The following POLL variants were observed in gnomAD, a reference collection of about 807,000 sequenced individuals.
POLL encodes the protein DNA polymerase lambda.
POLL carries 44 observed loss-of-function variants against 58.1 expected under a neutral mutation model. The ratio of observed to expected loss-of-function variants is 0.76; its 90% CI spans 0.60 to 0.97. POLL has a LOEUF of 0.97. Among genes scored for constraint, POLL ranks in the 50% least tolerant of loss-of-function variants. The pLI, the probability that POLL is intolerant of heterozygous loss-of-function variation, is 0.00. For missense variants in POLL, 632 were observed against 736.8 expected, an observed-to-expected ratio of 0.86 and a Z score of 1.65; for synonymous variants, 290 against 283.2, an observed-to-expected ratio of 1.02 and a Z score of -0.24.
chr10:101,580,284 T>C lies in POLL; in HGVS notation c.1327A>G (p.Ile443Val), dbSNP rs1051343463. The C allele has an allele frequency of 5.0e-6, 8 of 1,613,916 alleles. No homozygotes were observed. The highest frequency in any genetic ancestry group is 6.8e-6 in the Non-Finnish European group (8 of 1,180,016). Residue 443 changes from isoleucine to valine, a missense_variant, in exon 8 of 9, where the codon ATC (isoleucine) becomes GTC (valine). Transcript: ENST00000370162. The surrounding 1 kb of genome is among the most constrained non-coding windows in gnomAD (Gnocchi z 4.1). ...THPDGRSHRG[I>V]FSRLLDSLRQ... ...AGACTGTCAAGGAGGCGGCTGAAGA[T>C]ACCCCGGTGGGACCGGCCATCTGGG... is the stretch of plus-strand genomic sequence containing the variant.
intron 7 of POLL, chr10:101,581,471 G>A (rs530251183): frequency 1.3e-5 from 2 of 152,176 alleles, no homozygotes; most frequent in African/African-American, 2.4e-5. Flanking sequence ...ATCTCATACC[G>A]GCCTCATAGC....
chr10:101,587,683 A>G (rs572477278), intron 1 of POLL, 139 bp downstream of exon 1: 7 of 1,014,572 alleles, frequency 6.9e-6, no homozygotes, highest in African/African-American at 3.3e-5. Flanking sequence ...GGGTTGCGCT[A>G]AAGATTCAGC....
chr10:101,586,071 C>T lies in POLL; in HGVS notation c.201G>A (p.Gln67=), dbSNP rs146124362. 2 of 1,614,104 alleles carry T rather than the reference C, an allele frequency of 1.2e-6. No homozygotes were observed. The highest frequency in any genetic ancestry group is 2.7e-5 in the African/African-American group (2 of 75,068). ...RAELFEKQIV[Q]HGGQLCPAQG... is the part of the protein sequence containing the mutation. ...GGGCAGGGCATAGCTGGCCGCCATGCTGAACAATCTGCTTCTCAAAGAGTT... is the reference window on the plus strand; with the variant it reads ...GGGCAGGGCATAGCTGGCCGCCATGTTGAACAATCTGCTTCTCAAAGAGTT... The change falls in exon 3 of 9, where the codon CAG becomes CAA. Residue 67 remains glutamine (Q), a synonymous_variant. Coordinates refer to ENST00000370162, the MANE Select transcript of POLL (RefSeq NM_001174084.2).
chr10:101,580,308 GGTGA>G lies in POLL; in HGVS notation c.1299_1302del (p.His434GlnfsTer28). The G allele has an allele frequency of 6.2e-7, 1 of 1,614,056 alleles. No homozygotes were observed. Among genetic ancestry groups the G allele is most frequent in the East Asian group, 2.2e-5 (1 of 44,868 alleles). ...ATACCCCGGTGGGACCGGCCATCTGGGTGAGTGATGAGCACGTCGACATCACCAC... is the reference window on the plus strand; with the variant it reads ...ATACCCCGGTGGGACCGGCCATCTGGGTGATGAGCACGTCGACATCACCAC... On this transcript the variant is annotated frameshift_variant, in exon 8 of 9. Coordinates refer to ENST00000370162, the MANE Select transcript of POLL (RefSeq NM_001174084.2). LOFTEE classifies it high-confidence loss of function. The surrounding 1 kb of genome is among the most constrained non-coding windows in gnomAD (Gnocchi z 4.1).
At chr10:101,582,041 A>G (rs1374142420) in intron 7 of POLL, 1 of 152,124 alleles carries the variant, frequency 6.6e-6, no homozygotes, top group Non-Finnish European at 1.5e-5. Context: ...TGTATGTTTT[A>G]TAGAGACAGG....
intron 3 of POLL, 117 bp from the exon 4 acceptor site, chr10:101,585,595 T>G (rs1275157985): frequency 6.3e-6 from 6 of 949,204 alleles, no homozygotes; most frequent in Non-Finnish European, 9.1e-6. Flanking sequence ...GAAAACGAGT[T>G]TTTTGAGGTT....
In POLL at chr10:101,585,890, C is replaced by G; in HGVS notation, c.382G>C (p.Ala128Pro). 1 of 1,596,142 alleles carries G rather than the reference C, an allele frequency of 6.3e-7. No homozygotes were observed. ...CLQERRLVDV[A>P]GFSIFIPSRY... ...CTGGGGATGAAGATGCTGAATCCAGCTACATCCACCAGCCTCCTCTCCTGA... is the reference window on the plus strand; with the variant it reads ...CTGGGGATGAAGATGCTGAATCCAGGTACATCCACCAGCCTCCTCTCCTGA... Residue 128 changes from alanine (A) to proline (P), a missense_variant, in exon 3 of 9, where the codon GCT (alanine) becomes CCT (proline). Physicochemically the swap from Ala to Pro is conservative, Grantham distance 27. Transcript: ENST00000370162.
At chr10:101,586,994 T>C (rs2063394051) in intron 2 of POLL, 1 of 576,830 alleles carries the variant, frequency 1.7e-6, no homozygotes, top group African/African-American at 1.9e-5. Context: ...ATTATACTGG[T>C]CATTCCCTGA....
In POLL at chr10:101,580,087, TG is replaced by T; in HGVS notation, c.1363+160del. ...GTGGCGGGGCTGTTCCATCTCTCCC[TG>T]GAGAGGATTCCGGCCCCGATAGAGA... On this transcript the variant is annotated intron_variant, in intron 8 of 8. Coordinates refer to ENST00000370162, the MANE Select transcript of POLL (RefSeq NM_001174084.2). The surrounding 1 kb of genome is among the most constrained non-coding windows in gnomAD (Gnocchi z 4.1). 1 of 721,494 alleles carries T rather than the reference TG, an allele frequency of 1.4e-6. No homozygotes were observed. Among genetic ancestry groups the T allele is most frequent in the Non-Finnish European group, 2.2e-6 (1 of 445,474 alleles). 44.7% of individuals were successfully genotyped at this position (721,494 alleles called of 1,614,324 possible).
Position 101,587,401 on chromosome 10 carries a change from G to A in POLL, c.-41C>T. The A allele has an allele frequency of 3.1e-6, 5 of 1,612,696 alleles. No homozygotes were observed. Among genetic ancestry groups the A allele is most frequent in the Non-Finnish European group, 4.2e-6 (5 of 1,179,688 alleles). ...TCCCGGCCTATTGGAGCGTTGGTCA[G>A]GGCTGCTGCACGTGGAAATCCAGAA... On this transcript the variant is annotated 5_prime_UTR_variant, in exon 2 of 9. Transcript: ENST00000370162.
At chr10:101,587,696 AGCCCTG>A in intron 1 of POLL, 120 bp downstream of exon 1, 1 of 1,059,788 alleles carries the variant, frequency 9.4e-7, no homozygotes, top group African/African-American at 1.7e-5. Flanking sequence ...GATTCAGCAC[AGCCCTG>A]CTGCGGCCCA....
At chr10:101,586,877 C>T (rs775049318) in intron 2 of POLL, among the ~76,000 whole-genome samples, 1 of 152,196 alleles carries the variant, frequency 6.6e-6, no homozygotes, top group African/African-American at 2.4e-5. Flanking sequence ...GACCCGACAA[C>T]CCTGCCTCCA....
rs894357623 is a variant in POLL at position 101,580,904 on chromosome 10, G to A, written c.1195-488C>T. ...GGACTGAGCAGGTGGCTGGCAGCAT[G>A]CGCCAGGCCCAGGCCCAGGAGAAAG... On this transcript the variant is annotated intron_variant, in intron 7 of 8. Coordinates refer to ENST00000370162, the MANE Select transcript of POLL (RefSeq NM_001174084.2). This position sits in a 1 kb window ranked among gnomAD's most constrained non-coding sequence, Gnocchi z 4.1. The A allele has an allele frequency of 9.1e-5, 14 of 153,358 alleles. No individual in the cohort carries two copies. Among genetic ancestry groups the A allele is most frequent in the Non-Finnish European group, 1.9e-4 (13 of 68,932 alleles). 9.5% of individuals were successfully genotyped at this position (153,358 alleles called of 1,614,324 possible).
Position 101,585,436 on chromosome 10 carries a change from A to G in POLL, c.453T>C (p.Ala151=), listed in dbSNP as rs760548020. The G allele has an allele frequency of 1.3e-5, 20 of 1,598,566 alleles. No individual in the cohort carries two copies. Among genetic ancestry groups the G allele is most frequent in the Non-Finnish European group, 1.4e-5 (16 of 1,173,150 alleles). ...HPQPSKAEQD[A]SIPPGTHEAL... ...CCTCATGGGTGCCAGGAGGAATAGA[A>G]GCATCCTGCTCTGCCTTGCTGGGCT... Residue 151 remains alanine (A), a synonymous_variant, in exon 4 of 9, where the codon GCT becomes GCC. Coordinates refer to ENST00000370162, the MANE Select transcript of POLL (RefSeq NM_001174084.2).
At chr10:101,581,481 C>G (rs1318819994) in intron 7 of POLL, 1 of 152,230 alleles carries the variant, frequency 6.6e-6, no homozygotes, top group Admixed American at 6.5e-5. Context: ...GGCCTCATAG[C>G]CTTGTGGCCT....
At chr10:101,587,189 A>G in intron 2 of POLL, 57 bp downstream of exon 2, 1 of 1,613,512 alleles carries the variant, frequency 6.2e-7, no homozygotes. Flanking sequence ...GTAGGGCTGA[A>G]GCACATGAAG....
intron 6 of POLL, chr10:101,583,110 C>T: frequency 7.9e-6 from 5 of 631,922 alleles, no homozygotes; most frequent in Non-Finnish European, 1.4e-5. Context: ...CTAAGATGCT[C>T]GTTCATGATT....
Position 101,583,678 on chromosome 10 carries a change from C to T in POLL, c.895G>A (p.Ala299Thr), listed in dbSNP as rs777892643. 2 of 1,613,944 alleles carry T rather than the reference C, an allele frequency of 1.2e-6. No homozygotes were observed. Among genetic ancestry groups the T allele is most frequent in the South Asian group, 1.1e-5 (1 of 91,074 alleles). ...FHKPVTSYQEACSIPGIGKRM... is the reference protein window; with the variant it reads ...FHKPVTSYQETCSIPGIGKRM... ...TTCCCAATCCCAGGGATACTGCAGG[C>T]CTCCTAGAGGAGGAGGAGGCAGAGG... The change falls in exon 6 of 9, where the codon GCC becomes ACC. Residue 299 changes from alanine to threonine, a missense_variant. By Grantham distance (58) the Ala-to-Thr change is moderately conservative (BLOSUM62 0). Transcript: ENST00000370162.
rs1312731158 is a variant in POLL at position 101,585,437 on chromosome 10, G to A, written c.452C>T (p.Ala151Val). The A allele has an allele frequency of 1.9e-6, 3 of 1,598,114 alleles. No individual in the cohort carries two copies. Among genetic ancestry groups the A allele is most frequent in the East Asian group, 4.5e-5 (2 of 44,572 alleles). ...CTCATGGGTGCCAGGAGGAATAGAA[G>A]CATCCTGCTCTGCCTTGCTGGGCTG... ...HPQPSKAEQDASIPPGTHEAL... is the reference protein window; with the variant it reads ...HPQPSKAEQDVSIPPGTHEAL... The change falls in exon 4 of 9, where the codon GCT (alanine) becomes GTT (valine). Residue 151 changes from alanine to valine, a missense_variant. Ala to Val is a moderately conservative substitution (Grantham distance 64). Coordinates refer to ENST00000370162, the MANE Select transcript of POLL (RefSeq NM_001174084.2).
Sources: gnomAD v4.1 joint callset for allele counts (sites outside exome capture counted in the v4.1 genomes callset) on GRCh38, gnomAD v4.1.1 for gene constraint, Gnocchi (gnomAD v3.1) non-coding constraint, MANE v1.5 for transcripts, NCBI Gene and HGNC (gene_info 2026-07-23, HGNC 2026-07-21) for gene names.